SH3RF3: variants seen among roughly 807,000 people sequenced by gnomAD.
SH3RF3 encodes SH3 domain containing ring finger 3, also known as E3 ubiquitin-protein ligase SH3RF3.
In SH3RF3, 29 loss-of-function variants were observed where a neutral mutation model predicts 66.3. The ratio of observed to expected loss-of-function variants is 0.44; its 90% CI spans 0.33 to 0.60. The LOEUF is 0.60. Ranked by LOEUF, SH3RF3 falls within the 20% of genes least tolerant of loss-of-function variation. The pLI is 0.04. For synonymous variants in SH3RF3, 583 were observed against 532.0 expected (o/e 1.10, Z -1.32); for missense variants, 1,194 against 1,190.9 (o/e 1.00, Z -0.04).
chr2:109,373,010 C>G (rs563083399), intron 3 of SH3RF3, among the ~76,000 whole-genome samples: 58 of 152,340 alleles, frequency 3.8e-4, no homozygotes, highest in African/African-American at 1.4e-3. Context: ...AGCCTCATCT[C>G]TCATTTCCTC....
chr2:109,370,935 A>G (rs1321410911), intron 2 of SH3RF3, among the ~76,000 whole-genome samples: 1 of 152,242 alleles, frequency 6.6e-6, no homozygotes, highest in African/African-American at 2.4e-5. Flanking sequence ...GGATGAAGCC[A>G]GAATCTTAAA....
chr2:109,419,643 G>A lies in SH3RF3; in HGVS notation c.1403+1G>A. On this transcript the variant is annotated splice_donor_variant, in intron 5 of 9. Transcript: ENST00000309415. LOFTEE classifies it high-confidence loss of function. Reference sequence around the variant, plus strand: ...CCAAGGTCCAGCTGCCCCTCAACGTGTGAGCTGCCCTTTGTGTCTGTCGGG... The same window carrying A: ...CCAAGGTCCAGCTGCCCCTCAACGTATGAGCTGCCCTTTGTGTCTGTCGGG... The A allele has an allele frequency of 6.4e-7, 1 of 1,571,500 alleles. No homozygotes were observed. The highest frequency in any genetic ancestry group is 8.6e-7 in the Non-Finnish European group (1 of 1,160,444).
At chr2:109,305,203 A>G (rs909689931) in intron 1 of SH3RF3, among the ~76,000 whole-genome samples, 1 of 152,096 alleles carries the variant, frequency 6.6e-6, no homozygotes, top group Non-Finnish European at 1.5e-5. Flanking sequence ...TGATGTTCTA[A>G]TATATCTCTT....
At chr2:109,467,951 C>G (rs1338326060) in intron 8 of SH3RF3, among the ~76,000 whole-genome samples, 2 of 152,232 alleles carry the variant, frequency 1.3e-5, no homozygotes, top group Admixed American at 6.5e-5. Context: ...CACCTCCATG[C>G]GGGCTGCTGG....
intron 1 of SH3RF3, among the ~76,000 whole-genome samples, chr2:109,327,954 C>G (rs1371582849): frequency 6.6e-6 from 1 of 152,184 alleles, no homozygotes; most frequent in Non-Finnish European, 1.5e-5. Context: ...GGACAATGAC[C>G]CTGTGTCAGG....
At chr2:109,228,548 G>A (rs1395402415) in intron 1 of SH3RF3, among the ~76,000 whole-genome samples, 1 of 152,194 alleles carries the variant, frequency 6.6e-6, no homozygotes, top group African/African-American at 2.4e-5. Flanking sequence ...AGCTAGTATG[G>A]ACCCTGCAGG....
At chr2:109,217,546 T>A (rs1191474418) in intron 1 of SH3RF3, among the ~76,000 whole-genome samples, 1 of 152,242 alleles carries the variant, frequency 6.6e-6, no homozygotes, top group African/African-American at 2.4e-5. Context: ...CTTTAGAATG[T>A]TGAGCTTCCG....
chr2:109,454,150 T>A (rs960370712), intron 8 of SH3RF3, among the ~76,000 whole-genome samples: 2 of 152,250 alleles, frequency 1.3e-5, no homozygotes, highest in Non-Finnish European at 2.9e-5. Context: ...CTGCTTAATA[T>A]ACACATTCAC....
At chr2:109,401,349 G>A (rs544883314) in intron 4 of SH3RF3, among the ~76,000 whole-genome samples, 247 of 152,316 alleles carry the variant, frequency 1.6e-3, no homozygotes, top group Non-Finnish European at 2.9e-3. Context: ...GAGGAGCAGC[G>A]GCCTGGCCCT....
chr2:109,473,274 G>A (rs1185745802), intron 8 of SH3RF3, among the ~76,000 whole-genome samples: 2 of 152,236 alleles, frequency 1.3e-5, no homozygotes, highest in Non-Finnish European at 1.5e-5. Flanking sequence ...GCCTGGAGCT[G>A]GGGTTGGGCC....
intron 5 of SH3RF3, among the ~76,000 whole-genome samples, chr2:109,430,004 A>G (rs1677149102): frequency 6.6e-6 from 1 of 152,184 alleles, no homozygotes; most frequent in East Asian, 1.9e-4. Flanking sequence ...CTGAGCCCCT[A>G]GCTCTGCACC....
rs1321023709 is a variant in SH3RF3 at position 109,432,676 on chromosome 2, G to T, written c.1574+5G>T. 1 of 1,608,808 alleles carries T rather than the reference G, an allele frequency of 6.2e-7. No homozygotes were observed. The highest frequency in any genetic ancestry group is 2.2e-5 in the East Asian group (1 of 44,820). On this transcript the variant is annotated splice_donor_5th_base_variant and intron_variant, in intron 6 of 9. Transcript: ENST00000309415. ...CTACGTGACACCCGTTTCCAGGTGA[G>T]GGCATGGTGGTGGCAGCCTGGGCAA... is the stretch of plus-strand genomic sequence containing the variant.
At chr2:109,259,195 G>A (rs1249008127) in intron 1 of SH3RF3, among the ~76,000 whole-genome samples, 4 of 152,248 alleles carry the variant, frequency 2.6e-5, no homozygotes, top group African/African-American at 9.6e-5. Context: ...TCCATAAAGT[G>A]TAGGCTTCTC....
At chr2:109,286,829 T>A (rs1167258335) in intron 1 of SH3RF3, among the ~76,000 whole-genome samples, 7 of 152,360 alleles carry the variant, frequency 4.6e-5, no homozygotes, top group African/African-American at 1.4e-4. Context: ...GTAGCCATTC[T>A]ACCTTTCCCA....
At chr2:109,372,862 CA>C (rs1286207309) in intron 3 of SH3RF3, among the ~76,000 whole-genome samples, 3 of 152,364 alleles carry the variant, frequency 2.0e-5, no homozygotes, top group Admixed American at 1.3e-4. Flanking sequence ...AGCTTTGCCA[CA>C]CCTACCACAC....
intron 1 of SH3RF3, among the ~76,000 whole-genome samples, chr2:109,170,250 TTCTCTTCTCTTCTCTTCTCTTCTC>T (rs1558938144): frequency 4.7e-4 from 3 of 6,380 alleles, no homozygotes; most frequent in African/African-American, 1.3e-3. Flanking sequence ...TTCTTTTCTC[TTCTCTTCTCTTCTCTTCTCTTCTC>T]TTCTCTTCTC....
intron 1 of SH3RF3, among the ~76,000 whole-genome samples, chr2:109,243,336 A>G (rs774395826): frequency 6.6e-6 from 1 of 152,224 alleles, no homozygotes; most frequent in Non-Finnish European, 1.5e-5. Flanking sequence ...CTGAGATTCC[A>G]TGTGCTTAGT....
chr2:109,471,206 CAAAAAAAAA>C (rs61224177), intron 8 of SH3RF3, among the ~76,000 whole-genome samples: 4 of 40,142 alleles, frequency 1.0e-4, no homozygotes, highest in Non-Finnish European at 2.0e-4. Flanking sequence ...GACTCTGTCT[CAAAAAAAAA>C]AAAAAAAAAA....
At chr2:109,244,878 ATTC>A (rs898127249) in intron 1 of SH3RF3, among the ~76,000 whole-genome samples, 2 of 152,156 alleles carry the variant, frequency 1.3e-5, no homozygotes, top group African/African-American at 4.8e-5. Context: ...CCATCGTCAT[ATTC>A]TGCAGGGTGT....
Sources: allele counts gnomAD v4.1 joint callset (sites outside exome capture counted in the v4.1 genomes callset), GRCh38; gene constraint gnomAD v4.1.1; transcripts MANE v1.5; gene names NCBI Gene and HGNC (gene_info 2026-07-23, HGNC 2026-07-21).